SLC2A13: variants seen among roughly 807,000 people sequenced by gnomAD.
SLC2A13 encodes the protein proton myo-inositol cotransporter.
Under a neutral mutation model 64.4 loss-of-function variants are expected in SLC2A13, and 32 were observed. That is an observed-to-expected ratio of 0.50 (90% CI 0.37 to 0.67). The LOEUF is 0.67. Among genes scored for constraint, SLC2A13 ranks in the 30% least tolerant of loss-of-function variants. The probability of loss-of-function intolerance (pLI) is 0.00; values close to 1 mark genes in which losing one functional copy is unlikely to be tolerated. For synonymous variants in SLC2A13, 338 were observed against 327.1 expected (o/e 1.03, Z -0.36); for missense variants, 743 against 829.2 (o/e 0.90, Z 1.28).
intron 7 of SLC2A13, among the ~76,000 whole-genome samples, chr12:39,774,163 G>A (rs1424208262): frequency 6.6e-6 from 1 of 152,122 alleles, no homozygotes; most frequent in Non-Finnish European, 1.5e-5. Flanking sequence ...TGGTGAAAAC[G>A]TACCTAGGAA....
At chr12:40,082,509 G>A (rs1938442450) in intron 1 of SLC2A13, among the ~76,000 whole-genome samples, 1 of 152,216 alleles carries the variant, frequency 6.6e-6, no homozygotes, top group Admixed American at 6.5e-5. Flanking sequence ...AGGCCATGCT[G>A]CAAGCAGGTG....
At chr12:40,049,190 A>C (rs1464729915) in intron 1 of SLC2A13, among the ~76,000 whole-genome samples, 1 of 151,780 alleles carries the variant, frequency 6.6e-6, no homozygotes, top group African/African-American at 2.4e-5. Flanking sequence ...TGCTGTATCT[A>C]ATCAATACTT....
rs1385113293 is a variant in SLC2A13 at position 39,759,199 on chromosome 12, T to G, written c.*827A>C. 2 of 152,578 alleles carry G rather than the reference T, an allele frequency of 1.3e-5. No homozygotes were observed. Among genetic ancestry groups the G allele is most frequent in the South Asian group, 4.1e-4 (2 of 4,826 alleles). The allele number at this position is 152,578 out of a possible 1,614,324, so 9.5% of individuals were successfully genotyped here. A position where few individuals can be genotyped will look rare whatever the true frequency, so the allele number is the denominator to read the frequency against. On this transcript the variant is annotated 3_prime_UTR_variant, in exon 10 of 10. Transcript: ENST00000280871. ...TTAAAGATCTGGCACTATTTTGCATTTATAATTGCATACCTAAGTGACTAA... is the reference window on the plus strand; with the variant it reads ...TTAAAGATCTGGCACTATTTTGCATGTATAATTGCATACCTAAGTGACTAA...
intron 2 of SLC2A13, among the ~76,000 whole-genome samples, chr12:40,036,301 A>C (rs1010660953): frequency 3.3e-5 from 5 of 152,172 alleles, no homozygotes; most frequent in African/African-American, 1.2e-4. Context: ...AATCCACCAT[A>C]AGGCTGAAAT....
chr12:39,997,830 C>T (rs1234718262), intron 3 of SLC2A13, among the ~76,000 whole-genome samples: 1 of 151,162 alleles, frequency 6.6e-6, no homozygotes. Context: ...GACTCCATCT[C>T]GAAAAAAAAG....
chr12:39,872,518 T>C (rs1944083863), intron 4 of SLC2A13, among the ~76,000 whole-genome samples: 1 of 152,200 alleles, frequency 6.6e-6, no homozygotes, highest in African/African-American at 2.4e-5. Context: ...CCCATGAGAA[T>C]CATTTATGTT....
At chr12:39,951,650 A>G (rs952380391) in intron 3 of SLC2A13, among the ~76,000 whole-genome samples, 3 of 152,186 alleles carry the variant, frequency 2.0e-5, no homozygotes, top group African/African-American at 7.2e-5. Context: ...AAAACTGTCA[A>G]ATTAGTCTTC....
At chr12:39,951,659 T>C (rs1015885649) in intron 3 of SLC2A13, among the ~76,000 whole-genome samples, 4 of 152,228 alleles carry the variant, frequency 2.6e-5, no homozygotes, top group African/African-American at 9.6e-5. Flanking sequence ...AAATTAGTCT[T>C]CCTTAAATCC....
chr12:39,792,690 A>T (rs1357761030), intron 7 of SLC2A13, among the ~76,000 whole-genome samples: 1 of 152,078 alleles, frequency 6.6e-6, no homozygotes, highest in African/African-American at 2.4e-5. Flanking sequence ...CAAAAGTCAG[A>T]TATAGATACC....
At chr12:39,799,932 G>C (rs1941724029) in intron 7 of SLC2A13, among the ~76,000 whole-genome samples, 2 of 152,200 alleles carry the variant, frequency 1.3e-5, no homozygotes, top group South Asian at 4.1e-4. Context: ...AGAATCCTTA[G>C]AGTAAGAAGT....
At chr12:40,000,050 C>A (rs28370643) in intron 3 of SLC2A13, among the ~76,000 whole-genome samples, 1 of 152,060 alleles carries the variant, frequency 6.6e-6, no homozygotes, top group African/African-American at 2.4e-5. Context: ...CTGTTTCTCC[C>A]GATAAATAAG....
intron 7 of SLC2A13, among the ~76,000 whole-genome samples, chr12:39,799,781 C>T (rs11836908): frequency 7.0e-4 from 106 of 152,330 alleles, no homozygotes; most frequent in African/African-American, 2.4e-3. Context: ...CAGGATAACA[C>T]ATTCACATTA....
intron 7 of SLC2A13, among the ~76,000 whole-genome samples, chr12:39,770,677 T>C (rs533927543): frequency 6.6e-6 from 1 of 152,302 alleles, no homozygotes; most frequent in South Asian, 2.1e-4. Context: ...GCCTGGCATG[T>C]GGTATATGCA....
In SLC2A13 at chr12:39,758,134, C is replaced by T. The variant is rs1940017290; in HGVS notation, c.*1892G>A. 1 of 151,474 alleles carries T rather than the reference C, an allele frequency of 6.6e-6. No homozygotes were observed. The highest frequency in any genetic ancestry group is 2.4e-5 in the African/African-American group (1 of 41,316). The allele number at this position is 151,474 out of a possible 1,614,324, so 9.4% of individuals were successfully genotyped here. ...TCAATACTAATATTCCCTTGGAAAT[C>T]AATTGTTAAAGCACCTAATTCAAGG... On this transcript the variant is annotated 3_prime_UTR_variant, in exon 10 of 10. Coordinates refer to ENST00000280871, the MANE Select transcript of SLC2A13 (RefSeq NM_052885.4).
intron 1 of SLC2A13, among the ~76,000 whole-genome samples, chr12:40,051,599 G>A (rs1488564728): frequency 1.3e-5 from 2 of 152,150 alleles, no homozygotes; most frequent in African/African-American, 4.8e-5. Context: ...AGAGTCAGAG[G>A]GGCCTTGGAT....
chr12:39,906,376 T>C (rs1945282186), intron 4 of SLC2A13, among the ~76,000 whole-genome samples: 1 of 152,102 alleles, frequency 6.6e-6, no homozygotes, highest in African/African-American at 2.4e-5. Flanking sequence ...GGGGATTGCC[T>C]TGATATGCAC....
intron 7 of SLC2A13, among the ~76,000 whole-genome samples, chr12:39,795,317 TAC>T (rs1283663783): frequency 1.3e-5 from 2 of 152,176 alleles, no homozygotes; most frequent in Non-Finnish European, 2.9e-5. Flanking sequence ...CTGATAAATC[TAC>T]ACAGTTTTAA....
At chr12:39,824,347 C>T (rs951672219) in intron 7 of SLC2A13, among the ~76,000 whole-genome samples, 9 of 152,134 alleles carry the variant, frequency 5.9e-5, no homozygotes, top group African/African-American at 1.9e-4. Context: ...ATTCTAGCAG[C>T]GCTCTTACAA....
chr12:39,902,395 T>C (rs1236406785), intron 4 of SLC2A13, among the ~76,000 whole-genome samples: 1 of 151,820 alleles, frequency 6.6e-6, no homozygotes, highest in Non-Finnish European at 1.5e-5. Flanking sequence ...TACATACACA[T>C]GAAGAGAACT....
Sources: allele counts gnomAD v4.1 joint callset (sites outside exome capture counted in the v4.1 genomes callset), GRCh38; gene constraint gnomAD v4.1.1; transcripts MANE v1.5; gene names NCBI Gene and HGNC (gene_info 2026-07-23, HGNC 2026-07-21).